GCNT1: variants seen among roughly 807,000 people sequenced by gnomAD.
GCNT1 encodes the protein glucosaminyl (N-acetyl) transferase 1.
Under a neutral mutation model 26.2 loss-of-function variants are expected in GCNT1, and 16 were observed. The ratio of observed to expected loss-of-function variants is 0.61; its 90% confidence interval spans 0.41 to 0.93. The LOEUF is 0.93. Ranked by LOEUF, GCNT1 falls within the 40% of genes least tolerant of loss-of-function variation. The pLI, the probability that GCNT1 is intolerant of heterozygous loss-of-function variation, is 0.00. For missense variants in GCNT1, 477 were observed against 526.7 expected, an observed-to-expected ratio of 0.91 and a Z score of 0.92; for synonymous variants, 183 against 190.8, an observed-to-expected ratio of 0.96 and a Z score of 0.34.
At chr9:76,431,671 C>A (rs1444826492) in intron 1 of GCNT1, among the ~76,000 whole-genome samples, 1 of 152,168 alleles carries the variant, frequency 6.6e-6, no homozygotes, top group African/African-American at 2.4e-5. Flanking sequence ...CCAGTCGCCT[C>A]TTTGGAAGTC....
intron 2 of GCNT1, among the ~76,000 whole-genome samples, chr9:76,473,347 A>G (rs1432070264): frequency 6.6e-6 from 1 of 152,156 alleles, no homozygotes; most frequent in African/African-American, 2.4e-5. Context: ...CTAGGAATCT[A>G]TTTTGTATAA....
chr9:76,394,739 T>G, the GCNT1 span, among the ~76,000 whole-genome samples: 1 of 152,226 alleles, frequency 6.6e-6, no homozygotes, highest in African/African-American at 2.4e-5. Flanking sequence ...AATTCTGGTT[T>G]TTTTTTCTCC....
intron 2 of GCNT1, among the ~76,000 whole-genome samples, chr9:76,482,311 G>T (rs1258845415): frequency 6.6e-6 from 1 of 151,864 alleles, no homozygotes; most frequent in Non-Finnish European, 1.5e-5. Context: ...AAATTTTCTA[G>T]TAGCAGCATT....
At chr9:76,457,015 G>A (rs1342574821), upstream of GCNT1, among the ~76,000 whole-genome samples, 7 of 152,168 alleles carry the variant, frequency 4.6e-5, no homozygotes, top group African/African-American at 1.4e-4. Flanking sequence ...TATACAGGCA[G>A]TATCCAACTG....
At chr9:76,404,278 A>G in the GCNT1 span, among the ~76,000 whole-genome samples, 1 of 152,044 alleles carries the variant, frequency 6.6e-6, no homozygotes, top group Middle Eastern at 3.2e-3. Flanking sequence ...AATTTTTTTT[A>G]ATTTTAGAAT....
chr9:76,491,481 A>G (rs914572894), intron 2 of GCNT1, among the ~76,000 whole-genome samples: 1 of 151,926 alleles, frequency 6.6e-6, no homozygotes, highest in East Asian at 2.0e-4. Context: ...TTAGATAAGC[A>G]TACTTGCTAT....
chr9:76,432,250 CA>C (rs747518390), intron 1 of GCNT1, among the ~76,000 whole-genome samples: 20 of 151,462 alleles, frequency 1.3e-4, no homozygotes, highest in African/African-American at 3.9e-4. Context: ...ACATCTAGTC[CA>C]AAAAAAATGT....
chr9:76,487,334 GC>G (rs1224046922), intron 2 of GCNT1, among the ~76,000 whole-genome samples: 1 of 151,960 alleles, frequency 6.6e-6, no homozygotes, highest in African/African-American at 2.4e-5. Context: ...TTGGTATTTT[GC>G]TCCAGTCACA....
chr9:76,464,378 G>GGCTAATT, intron 2 of GCNT1, among the ~76,000 whole-genome samples: 1 of 152,020 alleles, frequency 6.6e-6, no homozygotes, highest in Non-Finnish European at 1.5e-5. Flanking sequence ...CACTATGCCT[G>GGCTAATT]AGTAATTTTT....
chr9:76,491,645 C>G (rs1336085452), intron 2 of GCNT1, among the ~76,000 whole-genome samples: 1 of 152,208 alleles, frequency 6.6e-6, no homozygotes, highest in Non-Finnish European at 1.5e-5. Context: ...CTTCATATCC[C>G]ATTCTCCACA....
In GCNT1 at chr9:76,503,581, T is replaced by C. The variant is rs1332691252; in HGVS notation, c.1200T>C (p.Asn400=). 1 of 1,614,188 alleles carries C rather than the reference T, an allele frequency of 6.2e-7. No homozygotes were observed. Among genetic ancestry groups the C allele is most frequent in the Non-Finnish European group, 8.5e-7 (1 of 1,180,000 alleles). The change falls in exon 4 of 4, where the codon AAT becomes AAC. Residue 400 remains asparagine (N), a synonymous_variant. Coordinates refer to ENST00000376730, the MANE Select transcript of GCNT1 (RefSeq NM_001490.5). ...TGCGCAAACACCACTTGTTTGCCAA[T>C]AAGTTTGACGTGGATGTTGACCTCT... The part of the protein sequence containing the change: ...WMLRKHHLFA[N]KFDVDVDLFA...
At chr9:76,477,833 T>G (rs1824288925) in intron 2 of GCNT1, among the ~76,000 whole-genome samples, 1 of 152,188 alleles carries the variant, frequency 6.6e-6, no homozygotes, top group Non-Finnish European at 1.5e-5. Context: ...ACTTTCTGCC[T>G]CTGCGCATTT....
At chr9:76,393,961 G>A in the GCNT1 span, 39 of 787,582 alleles carry the variant, frequency 5.0e-5, 1 homozygote, top group African/African-American at 6.3e-4. Context: ...AGGGGATGCG[G>A]GAGGAGGAAG....
chr9:76,481,398 GA>G (rs1167919139), intron 2 of GCNT1, among the ~76,000 whole-genome samples: 10 of 145,190 alleles, frequency 6.9e-5, no homozygotes, highest in Admixed American at 4.7e-4. Flanking sequence ...TAATACATGA[GA>G]TTTTTTTTGT....
At chr9:76,401,490 C>A in the GCNT1 span, among the ~76,000 whole-genome samples, 1 of 152,130 alleles carries the variant, frequency 6.6e-6, no homozygotes, top group African/African-American at 2.4e-5. Flanking sequence ...AAATTTACTT[C>A]ATGTAGTACA....
upstream of GCNT1, among the ~76,000 whole-genome samples, chr9:76,440,119 AG>A (rs1823465391): frequency 2.0e-5 from 3 of 150,786 alleles, no homozygotes; most frequent in South Asian, 2.1e-4. Context: ...AAAAAAAAAA[AG>A]AAAAAATGAA....
chr9:76,482,042 GGTTTGCCCTTTGCTAGGGAGGGAA>G (rs1188912112), intron 2 of GCNT1, among the ~76,000 whole-genome samples: 9 of 152,174 alleles, frequency 5.9e-5, no homozygotes, highest in African/African-American at 2.2e-4. Context: ...TCAGTAAGAA[GGTTTGCCCTTTGCTAGGGAGGGAA>G]ACACCATCTC....
At chr9:76,497,403 G>C (rs1490368025) in intron 2 of GCNT1, among the ~76,000 whole-genome samples, 1 of 152,054 alleles carries the variant, frequency 6.6e-6, no homozygotes, top group Non-Finnish European at 1.5e-5. Context: ...AAATTAGGTT[G>C]GTTAATTACA....
chr9:76,485,677 A>C (rs528526609), intron 2 of GCNT1, among the ~76,000 whole-genome samples: 1 of 151,662 alleles, frequency 6.6e-6, no homozygotes, highest in South Asian at 2.1e-4. Flanking sequence ...TTGTAATCCT[A>C]GGATTTCTGT....
Sources: gnomAD v4.1 joint callset for allele counts (sites outside exome capture counted in the v4.1 genomes callset) on GRCh38, gnomAD v4.1.1 for gene constraint, MANE v1.5 for transcripts, NCBI Gene and HGNC (gene_info 2026-07-23, HGNC 2026-07-21) for gene names.